LMOD1: variants seen among roughly 807,000 people sequenced by gnomAD.
LMOD1 encodes leiomodin 1, also known as leiomodin-1.
In LMOD1, 8 loss-of-function variants were observed where a neutral mutation model predicts 36.5. The ratio of observed to expected loss-of-function variants is 0.22; its 90% CI spans 0.13 to 0.40. The LOEUF (loss-of-function observed/expected upper bound fraction) is 0.40, where lower values mean the gene tolerates loss of function less well. Among genes scored for constraint, LMOD1 ranks in the 10% least tolerant of loss-of-function variants. LMOD1 has a pLI of 1.00. For missense variants in LMOD1, 630 were observed against 751.1 expected, an observed-to-expected ratio of 0.84 and a Z score of 1.88; for synonymous variants, 284 against 288.7, an observed-to-expected ratio of 0.98 and a Z score of 0.17.
intron 1 of LMOD1, among the ~76,000 whole-genome samples, chr1:201,934,254 A>C (rs1188599774): frequency 6.6e-6 from 1 of 152,204 alleles, no homozygotes; most frequent in African/African-American, 2.4e-5. Context: ...GACTATTGTC[A>C]TAGCCTCCTT....
intron 1 of LMOD1, among the ~76,000 whole-genome samples, chr1:201,933,002 T>C (rs1288648722): frequency 6.6e-6 from 1 of 152,202 alleles, no homozygotes; most frequent in East Asian, 1.9e-4. Context: ...AAAATGTTCA[T>C]AACAGCATTG....
intron 1 of LMOD1, among the ~76,000 whole-genome samples, chr1:201,912,935 T>C (rs1361280976): frequency 6.6e-6 from 1 of 152,050 alleles, no homozygotes; most frequent in Non-Finnish European, 1.5e-5. Context: ...ACCAGGGTGT[T>C]TGGTTACCTG....
Position 201,898,378 on chromosome 1 carries a change from A to C in LMOD1, c.1797T>G (p.Leu599=), listed in dbSNP as rs757927162. 1.9e-6 allele frequency: 3 copies of C among 1,612,896 alleles called. No individual in the cohort carries two copies. The highest frequency in any genetic ancestry group is 2.5e-6 in the Non-Finnish European group (3 of 1,179,550). ...GGTGCCTGGCAGCCTGGTCCTACTG[A>C]AGCAGTTTGGGCACTTCCACCTGTA... ...QLKKVEVPKL[L]Q The change falls in exon 3 of 3, where the codon CTT becomes CTG. Residue 599 remains leucine, a synonymous_variant. Transcript: ENST00000367288.
rs191342009 is a variant in LMOD1 at position 201,929,259 on chromosome 1, C to A, written c.261+16821G>T. 2.2e-3 allele frequency among the ~76,000 whole-genome samples: 332 copies of A among 152,132 alleles called. 1 individual carries two copies. The highest frequency in any genetic ancestry group is 7.4e-3 in the African/African-American group (308 of 41,516). On this transcript the variant is annotated intron_variant, in intron 1 of 2. Transcript: ENST00000367288. ...CTGGGATTACAGGCGTCCACCACCA[C>A]GCCCAGCTAATTTTTGTATTTTTAG...
At chr1:201,922,401 T>C (rs1478969175) in intron 1 of LMOD1, among the ~76,000 whole-genome samples, 1 of 152,194 alleles carries the variant, frequency 6.6e-6, no homozygotes, top group Non-Finnish European at 1.5e-5. Flanking sequence ...GGTATAATAT[T>C]CAGCCATTAA....
chr1:201,943,535 C>A (rs926000823), intron 1 of LMOD1, among the ~76,000 whole-genome samples: 7 of 152,222 alleles, frequency 4.6e-5, no homozygotes, highest in Non-Finnish European at 1.0e-4. Context: ...TGGTGGTCCC[C>A]ACTCTGAGCA....
chr1:201,913,596 G>C (rs1417193324), intron 1 of LMOD1, among the ~76,000 whole-genome samples: 1 of 152,178 alleles, frequency 6.6e-6, no homozygotes, highest in Non-Finnish European at 1.5e-5. Context: ...GACAGAGCCA[G>C]ACTCTGTCTC....
rs753894312 is a variant in LMOD1 at position 201,946,182 on chromosome 1, G to A, written c.159C>T (p.Asn53=). The A allele has an allele frequency of 2.7e-5, 43 of 1,613,860 alleles. No individual in the cohort carries two copies. Among genetic ancestry groups the A allele is most frequent in the Non-Finnish European group, 3.3e-5 (39 of 1,179,888 alleles). ...CACCCGTGGACTGTTTCTCCGTCTG[G>A]TTTCTCTGCCGCAGCCCCACGGGAA... ...GSVPVGLRQR[N]QTEKQSTGVY... is the part of the protein sequence containing the mutation. The change falls in exon 1 of 3, where the codon AAC becomes AAT. Residue 53 remains asparagine, a synonymous_variant. Transcript: ENST00000367288.
intron 1 of LMOD1, 59 bp from the exon 2 acceptor site, chr1:201,900,810 A>G: frequency 6.9e-7 from 1 of 1,453,106 alleles, no homozygotes; most frequent in Non-Finnish European, 9.3e-7. Flanking sequence ...GAGAGGAATG[A>G]GTATGGGGAT....
chr1:201,928,917 C>T (rs1327482906), intron 1 of LMOD1, among the ~76,000 whole-genome samples: 1 of 151,840 alleles, frequency 6.6e-6, no homozygotes, highest in Non-Finnish European at 1.5e-5. Context: ...GGGGTTTTGC[C>T]ATGTTGTCCA....
chr1:201,912,882 C>T (rs1017935996), intron 1 of LMOD1, among the ~76,000 whole-genome samples: 5 of 152,022 alleles, frequency 3.3e-5, no homozygotes, highest in Non-Finnish European at 7.4e-5. Context: ...TCAGAAAAAA[C>T]GAAAACAAAA....
chr1:201,899,586 T>A lies in LMOD1; in HGVS notation c.1427A>T (p.Gln476Leu), dbSNP rs1681258295. The A allele has an allele frequency of 6.2e-7, 1 of 1,612,880 alleles. No homozygotes were observed. The highest frequency in any genetic ancestry group is 8.5e-7 in the Non-Finnish European group (1 of 1,179,420). Residue 476 changes from glutamine to leucine, a missense_variant, in exon 2 of 3, where the codon CAA becomes CTA. Transcript: ENST00000367288. The surrounding 1 kb of genome is among the most constrained non-coding windows in gnomAD (Gnocchi z 6.3). ...LLSRNMDKQR[Q>L]KRLQEQRQAQ... ...CTGCCTTTGCTCCTGCAGCCGCTTT[T>A]GTCTCTGCTTGTCCATGTTGCGGCT...
intron 1 of LMOD1, among the ~76,000 whole-genome samples, chr1:201,928,024 T>C (rs1165550475): frequency 1.3e-5 from 2 of 152,156 alleles, no homozygotes; most frequent in Non-Finnish European, 2.9e-5. Flanking sequence ...AGTGGGTTTG[T>C]TATAAAAGGA....
intron 2 of LMOD1, among the ~76,000 whole-genome samples, chr1:201,898,613 A>G (rs1432331667): frequency 6.6e-6 from 1 of 152,176 alleles, no homozygotes; most frequent in African/African-American, 2.4e-5. Flanking sequence ...ATCTCATGAT[A>G]CCTTGTCCCA....
intron 2 of LMOD1, among the ~76,000 whole-genome samples, 195 bp from the exon 3 acceptor site, chr1:201,898,593 A>G (rs1473880539): frequency 2.6e-5 from 4 of 152,168 alleles, no homozygotes; most frequent in Non-Finnish European, 2.9e-5. Flanking sequence ...TACAATTGAG[A>G]TTTTCCTTTA....
At chr1:201,941,898 G>C (rs977228599) in intron 1 of LMOD1, among the ~76,000 whole-genome samples, 3 of 152,204 alleles carry the variant, frequency 2.0e-5, no homozygotes, top group African/African-American at 4.8e-5. Flanking sequence ...AGAAGGGAGG[G>C]GGAGGCAGGC....
intron 1 of LMOD1, among the ~76,000 whole-genome samples, chr1:201,928,308 C>G (rs1352307753): frequency 6.6e-6 from 1 of 152,206 alleles, no homozygotes; most frequent in Non-Finnish European, 1.5e-5. Flanking sequence ...TTACAGAAGC[C>G]TGGCTGAGAA....
intron 1 of LMOD1, among the ~76,000 whole-genome samples, chr1:201,914,864 G>C (rs1004698081): frequency 6.7e-6 from 1 of 148,466 alleles, no homozygotes; most frequent in Non-Finnish European, 1.5e-5. Context: ...CTTTAAACCT[G>C]CCCATCTCTC....
In LMOD1 at chr1:201,899,337, T is replaced by C. The variant is rs1233176003; in HGVS notation, c.1676A>G (p.Gln559Arg). 13 of 1,570,808 alleles carry C rather than the reference T, an allele frequency of 8.3e-6. No individual in the cohort carries two copies. Among genetic ancestry groups the C allele is most frequent in the Non-Finnish European group, 1.1e-5 (13 of 1,156,562 alleles). ...GAGGACTTTGTCTCCCATCTTCCTCTGGGTAGCTGGTGAGAGTGAATTCTT... is the reference window on the plus strand; with the variant it reads ...GAGGACTTTGTCTCCCATCTTCCTCCGGGTAGCTGGTGAGAGTGAATTCTT... ...NLKNSLSPAT[Q>R]RKMGDKVLPA... Residue 559 changes from glutamine to arginine, a missense_variant, in exon 2 of 3, where the codon CAG becomes CGG. Gln to Arg is a conservative substitution (Grantham distance 43, BLOSUM62 1). Coordinates refer to ENST00000367288, the MANE Select transcript of LMOD1 (RefSeq NM_012134.3). The surrounding 1 kb of genome is among the most constrained non-coding windows in gnomAD (Gnocchi z 6.3).
Sources: gnomAD v4.1 joint callset for allele counts (sites outside exome capture counted in the v4.1 genomes callset) on GRCh38, gnomAD v4.1.1 for gene constraint, Gnocchi (gnomAD v3.1) non-coding constraint, MANE v1.5 for transcripts, NCBI Gene and HGNC (gene_info 2026-07-23, HGNC 2026-07-21) for gene names.